VAT1L: variants seen among roughly 807,000 people sequenced by gnomAD.
The protein encoded by VAT1L is putative NADPH-dependent quinone oxidoreductase VAT1L.
In VAT1L, 34 loss-of-function variants were observed where a neutral mutation model predicts 44.1. That is an observed-to-expected ratio of 0.77 (90% confidence interval 0.59 to 1.03). The LOEUF is 1.03. Among genes scored for constraint, VAT1L ranks in the 50% least tolerant of loss-of-function variants. The probability of loss-of-function intolerance (pLI) is 0.00; values close to 1 mark genes in which losing one functional copy is unlikely to be tolerated. For synonymous variants in VAT1L, 253 were observed against 202.2 expected (o/e 1.25, Z -2.13); for missense variants, 615 against 538.8 (o/e 1.14, Z -1.40).
At chr16:77,892,468 G>T in intron 7 of VAT1L, 1 of 515,404 alleles carries the variant, frequency 1.9e-6, no homozygotes, top group South Asian at 1.5e-5. Context: ...GGTTGATGGT[G>T]GGCCCTTGTG....
chr16:77,843,527 T>C (rs2016728224), intron 3 of VAT1L, among the ~76,000 whole-genome samples: 1 of 152,168 alleles, frequency 6.6e-6, no homozygotes, highest in Non-Finnish European at 1.5e-5. Flanking sequence ...ATTACACCAG[T>C]GAGGCTGAAA....
Position 77,788,912 on chromosome 16 carries a change from C to T in VAT1L, c.230C>T (p.Ala77Val). 6.6e-7 allele frequency: 1 copy of T among 1,509,110 alleles called. No individual in the cohort carries two copies. The highest frequency in any genetic ancestry group is 8.8e-7 in the Non-Finnish European group (1 of 1,130,126). The allele number at this position is 1,509,110 out of a possible 1,614,324, so 93.5% of individuals were successfully genotyped here. The change falls in exon 1 of 9, where the codon GCC (alanine) becomes GTC (valine). Residue 77 changes from alanine to valine, a missense_variant. Transcript: ENST00000302536. Reference protein sequence around the residue: ...QDGELKIRVKACGLNFIDLMV... With the variant: ...QDGELKIRVKVCGLNFIDLMV... ...GGCGAGCTCAAGATCCGCGTCAAAG[C>T]CTGGTCCAGTATCCGCGCCTTTCTC...
chr16:77,977,558 G>A, intron 8 of VAT1L, 39 bp from the exon 9 acceptor site: 1 of 1,604,512 alleles, frequency 6.2e-7, no homozygotes, highest in Non-Finnish European at 8.5e-7. Flanking sequence ...ACGAGGCTGG[G>A]TTGCACAACC....
intron 1 of VAT1L, chr16:77,800,210 C>T (rs988671619): frequency 6.6e-6 from 1 of 152,204 alleles, no homozygotes; most frequent in Non-Finnish European, 1.5e-5. Flanking sequence ...ATGACTTTCC[C>T]TAGCCTGGGA....
At position 77,825,521 on chromosome 16, in the gene VAT1L, A is replaced by AC. The variant is rs2016509628; in HGVS notation, c.579+66dup. 2.6e-6 allele frequency: 4 copies of AC among 1,532,598 alleles called. No individual in the cohort carries two copies. In the South Asian group the frequency reaches 3.6e-5, roughly 14 times the overall value. 94.9% of individuals were successfully genotyped at this position (1,532,598 alleles called of 1,614,324 possible). A position where few individuals can be genotyped will look rare whatever the true frequency, so the allele number is the denominator to read the frequency against. ...GTCATGATGGTGGAAGTGGAGTGAC[A>AC]CCCCCCTGAGGTCTTATGTGAGCTA... On this transcript the variant is annotated intron_variant, in intron 3 of 8. Coordinates refer to ENST00000302536, the MANE Select transcript of VAT1L (RefSeq NM_020927.3).
At chr16:77,904,231 G>A (rs539640828) in intron 7 of VAT1L, among the ~76,000 whole-genome samples, 7 of 149,004 alleles carry the variant, frequency 4.7e-5, no homozygotes, top group African/African-American at 1.7e-4. Context: ...GTATCCATGT[G>A]GTTTGTCTGT....
chr16:77,836,749 A>T (rs982931243), intron 3 of VAT1L, among the ~76,000 whole-genome samples: 5 of 152,178 alleles, frequency 3.3e-5, no homozygotes, highest in African/African-American at 1.2e-4. Flanking sequence ...AGCATCACTC[A>T]TTCTTTATTT....
intron 3 of VAT1L, among the ~76,000 whole-genome samples, chr16:77,833,972 C>T (rs17774286): frequency 0.098 from 14,931 of 152,108 alleles, 775 homozygotes; most frequent in East Asian, 0.15. Context: ...CAGTATCTCT[C>T]CCCAGGTGAT....
intron 2 of VAT1L, among the ~76,000 whole-genome samples, chr16:77,824,771 T>C (rs531716533): frequency 1.4e-5 from 2 of 139,248 alleles, no homozygotes; most frequent in East Asian, 4.5e-4. Context: ...AAAAAAAAAA[T>C]GATTGTGATA....
In VAT1L at chr16:77,976,330, C is replaced by G. The variant is rs114357070; in HGVS notation, c.1162-1267C>G. Among the ~76,000 whole-genome samples, 828 of 152,270 alleles carry G rather than the reference C, an allele frequency of 5.4e-3. 9 individuals are homozygous for G. The highest frequency in any genetic ancestry group is 0.019 in the African/African-American group (798 of 41,532). On this transcript the variant is annotated intron_variant, in intron 8 of 8. Transcript: ENST00000302536. ...GGGAGATTGTTCCAGTTAGGGAATT[C>G]TGCAAAGGCTTCCTTGAGGAAGCAG...
chr16:77,967,700 G>T (rs1377378610), intron 7 of VAT1L, among the ~76,000 whole-genome samples: 2 of 152,148 alleles, frequency 1.3e-5, no homozygotes, highest in African/African-American at 4.8e-5. Flanking sequence ...AGCTTTAACT[G>T]GTGAGAAAAC....
rs574332739 is a variant in VAT1L at position 77,866,476 on chromosome 16, C to T, written c.722+3586C>T. On this transcript the variant is annotated intron_variant, in intron 4 of 8. Coordinates refer to ENST00000302536, the MANE Select transcript of VAT1L (RefSeq NM_020927.3). The stretch of plus-strand genomic sequence containing the variant: ...GTGATCACAGCTTTGTACAAATTCT[C>T]GGTGCATGTAGACTTAAAATGAAAG... Among the ~76,000 whole-genome samples, 22 of 151,958 alleles carry T rather than the reference C, an allele frequency of 1.4e-4. 2 individuals are homozygous for T. Among genetic ancestry groups the T allele is most frequent in the Admixed American group, 1.0e-3 (16 of 15,264 alleles).
chr16:77,836,724 G>A (rs2016643083), intron 3 of VAT1L, among the ~76,000 whole-genome samples: 2 of 152,098 alleles, frequency 1.3e-5, no homozygotes, highest in Non-Finnish European at 2.9e-5. Flanking sequence ...TCCAATCCAC[G>A]TCTATTGCTG....
At chr16:77,960,842 G>A (rs1277581050) in intron 7 of VAT1L, among the ~76,000 whole-genome samples, 2 of 152,002 alleles carry the variant, frequency 1.3e-5, no homozygotes, top group South Asian at 2.1e-4. Context: ...TATAACTACT[G>A]CCGAGAAATG....
chr16:77,876,283 C>T, intron 4 of VAT1L, 87 bp from the exon 5 acceptor site: 1 of 1,204,614 alleles, frequency 8.3e-7, no homozygotes, highest in East Asian at 2.3e-5. Context: ...TTCTGAGAGT[C>T]AGACAATATG....
intron 3 of VAT1L, among the ~76,000 whole-genome samples, chr16:77,839,471 G>A (rs1367818523): frequency 2.1e-5 from 3 of 141,200 alleles, no homozygotes; most frequent in South Asian, 4.7e-4. Context: ...GGGAGGCAGA[G>A]CTTGCAGTGA....
chr16:77,818,755 T>G (rs192109593), intron 2 of VAT1L, among the ~76,000 whole-genome samples: 1 of 152,362 alleles, frequency 6.6e-6, no homozygotes, highest in Admixed American at 6.5e-5. Context: ...TTCCAGTGAC[T>G]TGTGGCTGCA....
Position 77,879,270 on chromosome 16 carries a change from C to G in VAT1L, c.882+46C>G, listed in dbSNP as rs113986148. 1.5e-4 allele frequency: 240 copies of G among 1,581,206 alleles called. No homozygotes were observed. In the African/African-American group the frequency reaches 2.9e-3, roughly 19 times the overall value. ...GATGTACTGTGGTGGCATGTTGATT[C>G]ACATGTTGAGAGCTTTGTTTTTGTT... is the stretch of plus-strand genomic sequence containing the variant. On this transcript the variant is annotated intron_variant, in intron 6 of 8. Coordinates refer to ENST00000302536, the MANE Select transcript of VAT1L (RefSeq NM_020927.3). This position sits in a 1 kb window ranked among gnomAD's most constrained non-coding sequence, Gnocchi z 4.1.
intron 7 of VAT1L, among the ~76,000 whole-genome samples, chr16:77,964,426 C>T (rs954520787): frequency 2.6e-5 from 4 of 152,046 alleles, no homozygotes; most frequent in African/African-American, 9.7e-5. Context: ...GCTTCACGGT[C>T]CCCCCAGCAA....
Sources: gnomAD v4.1 joint callset for allele counts (sites outside exome capture counted in the v4.1 genomes callset) on GRCh38, gnomAD v4.1.1 for gene constraint, Gnocchi (gnomAD v3.1) non-coding constraint, MANE v1.5 for transcripts, NCBI Gene and HGNC (gene_info 2026-07-23, HGNC 2026-07-21) for gene names.